Variants in MARCHF1 observed in about 807,000 individuals in gnomAD.
MARCHF1 encodes the protein membrane associated ring-CH-type finger 1.
A neutral mutation model predicts 54.2 loss-of-function variants in MARCHF1; 40 were observed. The ratio of observed to expected loss-of-function variants is 0.74; its 90% CI spans 0.57 to 0.96. MARCHF1 has a LOEUF of 0.96. Ranked by LOEUF, MARCHF1 falls within the 40% of genes least tolerant of loss-of-function variation. The probability of loss-of-function intolerance (pLI) is 0.00; values close to 1 mark genes in which losing one functional copy is unlikely to be tolerated. For synonymous variants in MARCHF1, 236 were observed against 236.3 expected, an observed-to-expected ratio of 1.00 and a Z score of 0.01; for missense variants, 586 against 656.5, an observed-to-expected ratio of 0.89 and a Z score of 1.17.
chr4:163,616,899 A>T (rs1741532197), intron 5 of MARCHF1, among the ~76,000 whole-genome samples: 1 of 152,132 alleles, frequency 6.6e-6, no homozygotes, highest in Non-Finnish European at 1.5e-5. Flanking sequence ...CAGCAATCCC[A>T]CTATACTGGG....
intron 7 of MARCHF1, among the ~76,000 whole-genome samples, chr4:163,600,886 C>T (rs1299961633): frequency 6.6e-6 from 1 of 152,092 alleles, no homozygotes; most frequent in East Asian, 1.9e-4. Context: ...CAAACACAGA[C>T]ACTTCTGAAT....
intron 4 of MARCHF1, among the ~76,000 whole-genome samples, chr4:163,746,946 C>T (rs1446528354): frequency 6.6e-6 from 1 of 152,174 alleles, no homozygotes; most frequent in African/African-American, 2.4e-5. Flanking sequence ...AAGTTGACCA[C>T]TGAAGCTTGT....
At chr4:164,195,254 C>T (rs1290202396) in intron 1 of MARCHF1, among the ~76,000 whole-genome samples, 1 of 151,884 alleles carries the variant, frequency 6.6e-6, no homozygotes, top group Non-Finnish European at 1.5e-5. Context: ...AATCAGCACT[C>T]ATATGTTTAC....
chr4:164,084,653 T>A (rs1018836065), intron 2 of MARCHF1, among the ~76,000 whole-genome samples: 1 of 151,928 alleles, frequency 6.6e-6, no homozygotes, highest in African/African-American at 2.4e-5. Context: ...TATAATTTGC[T>A]ATTTTAATGC....
chr4:163,848,487 T>C (rs1749549905), intron 4 of MARCHF1, among the ~76,000 whole-genome samples: 2 of 152,142 alleles, frequency 1.3e-5, no homozygotes, highest in South Asian at 4.1e-4. Context: ...CTTCCATGGA[T>C]TTTTCAACTC....
At chr4:164,235,333 C>A (rs55964439) in intron 1 of MARCHF1, among the ~76,000 whole-genome samples, 1 of 151,920 alleles carries the variant, frequency 6.6e-6, no homozygotes, top group Non-Finnish European at 1.5e-5. Flanking sequence ...GTTTTCTTCA[C>A]GTTGGATCTG....
At chr4:163,902,424 G>A (rs904394115) in intron 3 of MARCHF1, among the ~76,000 whole-genome samples, 3 of 152,138 alleles carry the variant, frequency 2.0e-5, no homozygotes, top group Non-Finnish European at 2.9e-5. Flanking sequence ...TTAATACGGC[G>A]AATGGATCAA....
chr4:163,701,839 T>A lies in MARCHF1; in HGVS notation c.112-976A>T, dbSNP rs561276906. Among the ~76,000 whole-genome samples, 19 of 49,674 alleles carry A rather than the reference T, an allele frequency of 3.8e-4. No homozygotes were observed. In the South Asian group the frequency reaches 9.7e-3, roughly 25 times the overall value. 32.6% of individuals were successfully genotyped at this position (49,674 alleles called of 152,430 possible). A position where few individuals can be genotyped will look rare whatever the true frequency, so the allele number is the denominator to read the frequency against. ...TTTACCAATGTAAGAATTCCTTTTG[T>A]TTTTTTTTTAACTTCTGGACTCAGC... On this transcript the variant is annotated intron_variant, in intron 4 of 9. Transcript: ENST00000514618.
rs971294679 is a variant in MARCHF1 at position 163,599,457 on chromosome 4, G to A, written c.1010+12814C>T. Reference sequence around the variant, plus strand: ...ACACAATATACACACAAGCAAACACGTATGTGCATATTTAATTTTTTTAAC... The same window carrying A: ...ACACAATATACACACAAGCAAACACATATGTGCATATTTAATTTTTTTAAC... On this transcript the variant is annotated intron_variant, in intron 7 of 9. Transcript: ENST00000514618. 5.9e-5 allele frequency among the ~76,000 whole-genome samples: 9 copies of A among 151,492 alleles called. No individual in the cohort carries two copies. In the South Asian group the frequency reaches 6.2e-4, roughly 10 times the overall value.
intron 1 of MARCHF1, among the ~76,000 whole-genome samples, chr4:164,120,238 G>A (rs1430971): frequency 0.49 from 74,182 of 151,840 alleles, 18,457 homozygotes; most frequent in South Asian, 0.56. Context: ...GAGACAAAAA[G>A]AGGTCACTAT....
intron 3 of MARCHF1, among the ~76,000 whole-genome samples, chr4:163,920,060 T>C (rs2111359785): frequency 6.6e-6 from 1 of 152,274 alleles, no homozygotes; most frequent in African/African-American, 2.4e-5. Context: ...GAAAGACTAT[T>C]AGAATAATTA....
chr4:163,939,702 T>C (rs765517937), intron 3 of MARCHF1, among the ~76,000 whole-genome samples: 26 of 152,170 alleles, frequency 1.7e-4, no homozygotes, highest in Non-Finnish European at 3.7e-4. Flanking sequence ...ATATCTACTA[T>C]TCCAAGTTCT....
Position 164,342,990 on chromosome 4 carries a change from TAA to T in MARCHF1, c.-323+40878_-323+40879del, listed in dbSNP as rs201614469. Among the ~76,000 whole-genome samples, 553 of 152,184 alleles carry T rather than the reference TAA, an allele frequency of 3.6e-3. 4 individuals are homozygous for T. The highest frequency in any genetic ancestry group is 0.013 in the African/African-American group (533 of 41,540). ...GGTTATCAAGGATTGGAGATGGGGA[TAA>T]AGAGGGAGAGGCTGATCAAAGTATA... On this transcript the variant is annotated intron_variant, in intron 1 of 9. Transcript: ENST00000514618.
At chr4:164,330,161 T>C (rs1438233976) in intron 1 of MARCHF1, 2 of 145,532 alleles carry the variant, frequency 1.4e-5, no homozygotes, top group Non-Finnish European at 3.0e-5. Context: ...ATTCAGCTTC[T>C]GTGAAGGAAG....
At chr4:164,034,625 T>A (rs544149415) in intron 2 of MARCHF1, among the ~76,000 whole-genome samples, 34 of 151,942 alleles carry the variant, frequency 2.2e-4, no homozygotes, top group Admixed American at 7.2e-4. Flanking sequence ...TACATACATA[T>A]GTGTGTGTGT....
At chr4:163,929,791 A>T (rs1243317457) in intron 3 of MARCHF1, among the ~76,000 whole-genome samples, 1 of 150,298 alleles carries the variant, frequency 6.7e-6, no homozygotes, top group Non-Finnish European at 1.5e-5. Flanking sequence ...GCAGGACTAG[A>T]TCCCATATAT....
intron 3 of MARCHF1, among the ~76,000 whole-genome samples, chr4:163,909,212 T>G (rs2111329534): frequency 6.6e-6 from 1 of 152,308 alleles, no homozygotes; most frequent in East Asian, 1.9e-4. Flanking sequence ...AATTAAATTG[T>G]GTTCACACAG....
At chr4:163,718,190 C>G (rs1745325456) in intron 4 of MARCHF1, among the ~76,000 whole-genome samples, 1 of 152,090 alleles carries the variant, frequency 6.6e-6, no homozygotes, top group Non-Finnish European at 1.5e-5. Flanking sequence ...GACCTAAAAC[C>G]ATAAAAACCC....
chr4:163,731,237 C>T (rs1198040907), intron 4 of MARCHF1, among the ~76,000 whole-genome samples: 2 of 152,084 alleles, frequency 1.3e-5, no homozygotes, highest in Admixed American at 1.3e-4. Flanking sequence ...AAACAGAAAT[C>T]CTTATGAGCA....
Sources: gnomAD v4.1 joint callset for allele counts (sites outside exome capture counted in the v4.1 genomes callset) on GRCh38, gnomAD v4.1.1 for gene constraint, MANE v1.5 for transcripts, NCBI Gene and HGNC (gene_info 2026-07-23, HGNC 2026-07-21) for gene names.